DOCK4: variants seen among roughly 807,000 people sequenced by gnomAD.
DOCK4 encodes dedicator of cytokinesis 4, also known as dedicator of cytokinesis protein 4.
DOCK4 carries 97 observed loss-of-function variants against 268.1 expected under a neutral mutation model. The observed-to-expected ratio is 0.36, with a 90% CI of 0.31 to 0.43. The LOEUF is 0.43. DOCK4 is among the 20% of genes least tolerant of loss of function. The pLI is 1.00. For missense variants in DOCK4, 2,145 were observed against 2,455.7 expected (o/e 0.87, Z 2.67); for synonymous variants, 954 against 887.2 (o/e 1.08, Z -1.34).
At chr7:111,743,228 A>G (rs1453903856) in intron 44 of DOCK4, among the ~76,000 whole-genome samples, 2 of 152,192 alleles carry the variant, frequency 1.3e-5, no homozygotes, top group Non-Finnish European at 2.9e-5. Context: ...AACATGGTCA[A>G]AAGGACAAAT....
chr7:112,143,931 C>A (rs1333206885), intron 1 of DOCK4, among the ~76,000 whole-genome samples: 2 of 152,208 alleles, frequency 1.3e-5, no homozygotes, highest in Non-Finnish European at 2.9e-5. Context: ...TCTCTTCCTA[C>A]ACGGATTGTA....
intron 5 of DOCK4, among the ~76,000 whole-genome samples, chr7:111,992,298 T>TTTAA (rs1799605442): frequency 6.6e-6 from 1 of 152,174 alleles, no homozygotes; most frequent in Non-Finnish European, 1.5e-5. Flanking sequence ...GCCTTAAAAC[T>TTTAA]GTTGGAAAAG....
intron 36 of DOCK4, among the ~76,000 whole-genome samples, chr7:111,770,187 A>G (rs573333985): frequency 6.6e-6 from 1 of 150,776 alleles, no homozygotes; most frequent in Non-Finnish European, 1.5e-5. Context: ...AGAATTTACA[A>G]GGGGCAAAGA....
At chr7:111,957,528 C>T (rs1174529397) in intron 8 of DOCK4, among the ~76,000 whole-genome samples, 1 of 152,118 alleles carries the variant, frequency 6.6e-6, no homozygotes, top group East Asian at 1.9e-4. Context: ...GTATTTTGAA[C>T]ATCAGTAGAC....
intron 1 of DOCK4, among the ~76,000 whole-genome samples, chr7:112,066,593 T>C (rs961931520): frequency 3.5e-5 from 4 of 112,744 alleles, no homozygotes; most frequent in African/African-American, 5.0e-5. Flanking sequence ...TATATACACA[T>C]ATACATATAT....
chr7:111,915,972 T>G, intron 12 of DOCK4, 68 bp from the exon 13 acceptor site: 1 of 1,514,496 alleles, frequency 6.6e-7, no homozygotes, highest in South Asian at 1.3e-5. Flanking sequence ...ACTGATGTGT[T>G]GCAACAAGCC....
In DOCK4 at chr7:111,817,396, G is replaced by A. The variant is rs536823367; in HGVS notation, c.2930+4966C>T. Among the ~76,000 whole-genome samples, 70 of 151,436 alleles carry A rather than the reference G, an allele frequency of 4.6e-4. 1 individual carries two copies. The highest frequency in any genetic ancestry group is 6.8e-3 in the Middle Eastern group (2 of 294). ...CACTCAAGTTTTCAGGGTCAGTGGC[G>A]CATATTCCACCTTCCTTCCTGTTAT... On this transcript the variant is annotated intron_variant, in intron 27 of 52. Coordinates refer to ENST00000428084, the MANE Select transcript of DOCK4 (RefSeq NM_001363540.2).
In DOCK4 at chr7:111,728,011, G is replaced by A. The variant is rs902491765; in HGVS notation, c.*263C>T. On this transcript the variant is annotated 3_prime_UTR_variant, in exon 53 of 53. Transcript: ENST00000428084. ...TATAAAAAAAAGTGAACATAAAAAGGTACAAAAGGAGTCTTTATCACTATT... is the reference window on the plus strand; with the variant it reads ...TATAAAAAAAAGTGAACATAAAAAGATACAAAAGGAGTCTTTATCACTATT... 3.5e-5 allele frequency: 13 copies of A among 373,536 alleles called. No individual in the cohort carries two copies. The highest frequency in any genetic ancestry group is 1.3e-4 in the Admixed American group (3 of 22,324). The allele number at this position is 373,536 out of a possible 1,614,324, so 23.1% of individuals were successfully genotyped here.
intron 1 of DOCK4, among the ~76,000 whole-genome samples, chr7:112,108,652 T>G (rs1811349716): frequency 6.6e-6 from 1 of 152,196 alleles, no homozygotes; most frequent in Admixed American, 6.5e-5. Context: ...AAAAGAACAT[T>G]GACCAAACAC....
chr7:112,102,486 A>G (rs758748890), intron 1 of DOCK4, among the ~76,000 whole-genome samples: 14 of 152,154 alleles, frequency 9.2e-5, no homozygotes, highest in Middle Eastern at 3.2e-3. Context: ...CTAACCTCCA[A>G]TCAGATAGTA....
intron 8 of DOCK4, among the ~76,000 whole-genome samples, chr7:111,969,210 TAAA>T (rs544019193): frequency 1.0e-5 from 1 of 98,148 alleles, no homozygotes; most frequent in Non-Finnish European, 2.3e-5. Flanking sequence ...TAGAGTATAA[TAAA>T]AAAAAAAAAA....
intron 12 of DOCK4, among the ~76,000 whole-genome samples, chr7:111,930,519 G>A (rs1315507526): frequency 1.3e-5 from 2 of 152,168 alleles, no homozygotes; most frequent in Non-Finnish European, 2.9e-5. Flanking sequence ...CTGAGGAATA[G>A]CAGGAGAAAG....
chr7:111,933,269 TACATATATAC>T (rs1794397777), intron 12 of DOCK4, among the ~76,000 whole-genome samples: 15 of 132,658 alleles, frequency 1.1e-4, no homozygotes, highest in African/African-American at 4.1e-4. Context: ...TATATATATA[TACATATATAC>T]ATATATATAT....
At chr7:111,823,249 C>A (rs1050511027) in intron 26 of DOCK4, among the ~76,000 whole-genome samples, 1 of 144,644 alleles carries the variant, frequency 6.9e-6, no homozygotes, top group African/African-American at 2.8e-5. Flanking sequence ...GCTCTGTCGC[C>A]AGGCTAGAGT....
At chr7:112,034,038 A>G (rs1473078797) in intron 1 of DOCK4, among the ~76,000 whole-genome samples, 2 of 152,190 alleles carry the variant, frequency 1.3e-5, no homozygotes, top group African/African-American at 2.4e-5. Context: ...CTCAAACCTA[A>G]TATTTTCACT....
chr7:112,126,514 C>A (rs975289760), intron 1 of DOCK4, among the ~76,000 whole-genome samples: 3 of 152,066 alleles, frequency 2.0e-5, no homozygotes, highest in African/African-American at 7.2e-5. Flanking sequence ...ACAACAACAA[C>A]AAAACACCAA....
intron 13 of DOCK4, among the ~76,000 whole-genome samples, chr7:111,903,904 C>A (rs944655023): frequency 6.6e-6 from 1 of 152,184 alleles, no homozygotes; most frequent in South Asian, 2.1e-4. Flanking sequence ...CCTATAAAAC[C>A]TACACTGACT....
intron 37 of DOCK4, among the ~76,000 whole-genome samples, chr7:111,768,858 T>G (rs1797934408): frequency 6.6e-6 from 1 of 152,238 alleles, no homozygotes; most frequent in Admixed American, 6.5e-5. Context: ...TGCTATGGTC[T>G]GCATGTTTGG....
intron 7 of DOCK4, among the ~76,000 whole-genome samples, chr7:111,982,533 A>G (rs1562959769): frequency 6.6e-6 from 1 of 152,224 alleles, no homozygotes; most frequent in Admixed American, 6.5e-5. Flanking sequence ...TTCTTATCTA[A>G]TCTTCATAAT....
Sources: gnomAD v4.1 joint callset for allele counts (sites outside exome capture counted in the v4.1 genomes callset) on GRCh38, gnomAD v4.1.1 for gene constraint, MANE v1.5 for transcripts, NCBI Gene and HGNC (gene_info 2026-07-23, HGNC 2026-07-21) for gene names.